Variants in TACC2 observed in about 807,000 individuals in gnomAD.
The protein encoded by TACC2 is transforming acidic coiled-coil containing protein 2.
A neutral mutation model predicts 227.3 loss-of-function variants in TACC2; 137 were observed. The observed-to-expected ratio is 0.60, with a 90% confidence interval of 0.52 to 0.69. TACC2 has a LOEUF of 0.69. Among genes scored for constraint, TACC2 ranks in the 30% least tolerant of loss-of-function variants. The pLI, the probability that TACC2 is intolerant of heterozygous loss-of-function variation, is 0.00. For synonymous variants in TACC2, 1,523 were observed against 1,487.5 expected, an observed-to-expected ratio of 1.02 and a Z score of -0.55; for missense variants, 3,470 against 3,694.4, an observed-to-expected ratio of 0.94 and a Z score of 1.57.
At position 122,195,069 on chromosome 10, in the gene TACC2, C is replaced by A; in HGVS notation, c.5864C>A (p.Thr1955Asn). The change falls in exon 8 of 23, where the codon ACC becomes AAC. Residue 1955 changes from threonine to asparagine, a missense_variant. Thr to Asn is a moderately conservative substitution (Grantham distance 65). Transcript: ENST00000369005. ...TCCGATTCTGAAGAGGCATTTGAGA[C>A]CCCGGAGTCAACGACCCCTGTCAAA... ...RSSDSEEAFE[T>N]PESTTPVKAP... 6.2e-7 allele frequency: 1 copy of A among 1,613,552 alleles called. No individual in the cohort carries two copies. The highest frequency in any genetic ancestry group is 8.5e-7 in the Non-Finnish European group (1 of 1,179,710).
intron 5 of TACC2, among the ~76,000 whole-genome samples, chr10:122,094,394 C>T (rs373737287): frequency 1.3e-5 from 2 of 152,092 alleles, no homozygotes; most frequent in Admixed American, 6.5e-5. Flanking sequence ...CTCCAGCCTC[C>T]GTGCCTCCCA....
chr10:122,175,526 C>T (rs1283180509), intron 7 of TACC2, among the ~76,000 whole-genome samples: 1 of 152,148 alleles, frequency 6.6e-6, no homozygotes, highest in African/African-American at 2.4e-5. Flanking sequence ...TCACATATTG[C>T]ATTTCTCGAT....
intron 5 of TACC2, chr10:122,113,009 A>T (rs1312801382): frequency 6.6e-6 from 1 of 152,266 alleles, no homozygotes; most frequent in Non-Finnish European, 1.5e-5. Context: ...TCGCCCAGTC[A>T]TTGGCCTTTT....
At chr10:122,021,244 G>A (rs1011750151) in intron 1 of TACC2, among the ~76,000 whole-genome samples, 2 of 150,758 alleles carry the variant, frequency 1.3e-5, no homozygotes, top group Admixed American at 6.6e-5. Context: ...AAAAAAGGCG[G>A]GGGGGAAGAA....
chr10:122,241,834 A>G, intron 18 of TACC2, 124 bp from the exon 19 acceptor site: 2 of 853,050 alleles, frequency 2.3e-6, no homozygotes, highest in Non-Finnish European at 4.1e-6. Context: ...GCGAGGGCTG[A>G]CATTGAAGGT....
At chr10:122,089,450 A>G (rs1248759756) in intron 5 of TACC2, among the ~76,000 whole-genome samples, 1 of 152,224 alleles carries the variant, frequency 6.6e-6, no homozygotes, top group East Asian at 1.9e-4. Flanking sequence ...TGTAACCACG[A>G]ACAGTGACCT....
chr10:122,086,439 T>C lies in TACC2; in HGVS notation c.3939T>C (p.Ser1313=). The C allele has an allele frequency of 6.2e-7, 1 of 1,613,780 alleles. No homozygotes were observed. Among genetic ancestry groups the C allele is most frequent in the East Asian group, 2.2e-5 (1 of 44,876 alleles). The change falls in exon 4 of 23, where the codon AGT becomes AGC. Residue 1313 remains serine, a synonymous_variant. Transcript: ENST00000369005. ...CTGCAGTGCAAGCCAGCAGTGGTAG[T>C]CCCAAAGCCAGAACCACTGAGGGAC... ...EIPAVQASSG[S]PKARTTEGPV... is the part of the protein sequence containing the mutation.
chr10:122,012,187 C>A (rs11200326), intron 1 of TACC2, among the ~76,000 whole-genome samples: 9 of 151,598 alleles, frequency 5.9e-5, no homozygotes, highest in Admixed American at 1.3e-4. Flanking sequence ...TTTGGGAGGC[C>A]AAGGCGGGTG....
chr10:122,032,816 G>T (rs541089937), intron 2 of TACC2, among the ~76,000 whole-genome samples: 357 of 152,090 alleles, frequency 2.3e-3, no homozygotes, highest in African/African-American at 8.1e-3. Context: ...AAAATTAGCC[G>T]GGCGTGGTGG....
chr10:122,123,793 G>A (rs927512950), intron 5 of TACC2, among the ~76,000 whole-genome samples: 3 of 149,498 alleles, frequency 2.0e-5, no homozygotes, highest in African/African-American at 7.3e-5. Context: ...TTCTTGAGTT[G>A]GGTTGCTGTA....
chr10:122,086,006 G>A lies in TACC2; in HGVS notation c.3506G>A (p.Gly1169Glu). Residue 1169 changes from glycine to glutamate, a missense_variant, in exon 4 of 23, where the codon GGG becomes GAG. Gly to Glu is a moderately conservative substitution (Grantham distance 98). Coordinates refer to ENST00000369005, the MANE Select transcript of TACC2 (RefSeq NM_206862.4). ...CAGACTGAGCACTGCCTTACCTCCGGGGAGGAAGCTTCTACCTCTGCCCTA... is the reference window on the plus strand; with the variant it reads ...CAGACTGAGCACTGCCTTACCTCCGAGGAGGAAGCTTCTACCTCTGCCCTA... Reference protein sequence around the residue: ...LLQTEHCLTSGEEASTSALRE... With the variant: ...LLQTEHCLTSEEEASTSALRE... 6.2e-7 allele frequency: 1 copy of A among 1,613,944 alleles called. No individual in the cohort carries two copies. The highest frequency in any genetic ancestry group is 8.5e-7 in the Non-Finnish European group (1 of 1,180,002).
chr10:122,123,661 CT>C (rs2086265982), intron 5 of TACC2, among the ~76,000 whole-genome samples: 1 of 152,136 alleles, frequency 6.6e-6, no homozygotes. Context: ...ATTTTGCTGA[CT>C]TATGACAGCC....
chr10:122,171,486 G>C (rs2093470095), intron 7 of TACC2, among the ~76,000 whole-genome samples: 1 of 152,254 alleles, frequency 6.6e-6, no homozygotes, highest in Non-Finnish European at 1.5e-5. Context: ...CAACATTCCA[G>C]CTTCACTTAC....
At chr10:122,206,093 G>A (rs1353942256) in intron 8 of TACC2, among the ~76,000 whole-genome samples, 1 of 152,108 alleles carries the variant, frequency 6.6e-6, no homozygotes, top group African/African-American at 2.4e-5. Context: ...CTGGGGGGCG[G>A]GGGGAAAGAG....
Position 122,230,432 on chromosome 10 carries a change from G to C in TACC2, c.8119G>C (p.Asp2707His). ...QIALASRSHQ[D>H]AKREAAHPTD... The stretch of plus-strand genomic sequence containing the variant: ...TGCTTTGGCTTCCCGCAGCCACCAG[G>C]ATGCCAAGGTACCGGTTTGCTGCTG... The change falls in exon 16 of 23, where the codon GAT becomes CAT. Residue 2707 changes from aspartate (D) to histidine (H), a missense_variant. Physicochemically the swap from Asp to His is moderately conservative, Grantham distance 81. Around this residue, in one of 10 missense-constraint regions of TACC2, gnomAD observed 345 missense variants for 354.4 expected, o/e 0.97. Coordinates refer to ENST00000369005, the MANE Select transcript of TACC2 (RefSeq NM_206862.4). 2 of 1,614,160 alleles carry C rather than the reference G, an allele frequency of 1.2e-6. No individual in the cohort carries two copies. Among genetic ancestry groups the C allele is most frequent in the Non-Finnish European group, 1.7e-6 (2 of 1,180,032 alleles).
At chr10:122,103,912 C>G (rs936346373) in intron 5 of TACC2, among the ~76,000 whole-genome samples, 1 of 152,158 alleles carries the variant, frequency 6.6e-6, no homozygotes, top group Non-Finnish European at 1.5e-5. Flanking sequence ...TCATGGAGAC[C>G]ATGCTCTGTT....
At position 122,083,885 on chromosome 10, in the gene TACC2, A is replaced by T; in HGVS notation, c.1385A>T (p.Asp462Val). Reference protein sequence around the residue: ...VSADAAKEVVDAGLVGLERQV... With the variant: ...VSADAAKEVVVAGLVGLERQV... Reference sequence around the variant, plus strand: ...GCAGATGCAGCCAAAGAGGTGGTGGATGCAGGGTTGGTGGGACTGGAGAGG... The same window carrying T: ...GCAGATGCAGCCAAAGAGGTGGTGGTTGCAGGGTTGGTGGGACTGGAGAGG... Residue 462 changes from aspartate (D) to valine (V), a missense_variant, in exon 4 of 23, where the codon GAT (aspartate) becomes GTT (valine). Asp to Val is a radical substitution (Grantham distance 152, BLOSUM62 -3). Transcript: ENST00000369005. 6.2e-7 allele frequency: 1 copy of T among 1,614,178 alleles called. No individual in the cohort carries two copies. The highest frequency in any genetic ancestry group is 8.5e-7 in the Non-Finnish European group (1 of 1,180,030).
chr10:122,179,774 C>T (rs1282135090), intron 7 of TACC2, among the ~76,000 whole-genome samples: 15 of 152,178 alleles, frequency 9.9e-5, no homozygotes. Context: ...GCCCTTGTTT[C>T]TACAAAAAAT....
At chr10:122,091,599 C>T (rs578180421) in intron 5 of TACC2, among the ~76,000 whole-genome samples, 2 of 152,200 alleles carry the variant, frequency 1.3e-5, no homozygotes, top group East Asian at 3.9e-4. Flanking sequence ...TCGGATTGGA[C>T]TCTCTCATCC....
Sources: allele counts gnomAD v4.1 joint callset (sites outside exome capture counted in the v4.1 genomes callset), GRCh38; gene constraint gnomAD v4.1.1; regional missense constraint gnomAD v4.1.1; transcripts MANE v1.5; gene names NCBI Gene and HGNC (gene_info 2026-07-23, HGNC 2026-07-21).